Variants in RGS6 observed in about 807,000 individuals in gnomAD.
RGS6 encodes regulator of G protein signaling 6.
A neutral mutation model predicts 78.5 loss-of-function variants in RGS6; 30 were observed. The observed-to-expected ratio is 0.38, with a 90% CI of 0.29 to 0.52. RGS6 has a LOEUF of 0.52. Ranked by LOEUF, RGS6 falls within the 20% of genes least tolerant of loss-of-function variation. The pLI, the probability that RGS6 is intolerant of heterozygous loss-of-function variation, is 0.85. For synonymous variants in RGS6, 206 were observed against 206.0 expected (o/e 1.00, Z 0.00); for missense variants, 495 against 609.7 (o/e 0.81, Z 1.98).
At chr14:72,182,266 C>T (rs759797382) in intron 2 of RGS6, among the ~76,000 whole-genome samples, 1 of 151,874 alleles carries the variant, frequency 6.6e-6, no homozygotes, top group Non-Finnish European at 1.5e-5. Context: ...ACACATTAGC[C>T]GGGCCTGGTG....
At position 72,219,420 on chromosome 14, in the gene RGS6, A is replaced by T. The variant is rs184671216; in HGVS notation, c.85-132675A>T. On this transcript the variant is annotated intron_variant, in intron 2 of 17. Transcript: ENST00000553525. ...CTTCGTCTTCACTGTTTCATTTTTT[A>T]AAATATTTGTGAAATTTTAGGGGAA... Among the ~76,000 whole-genome samples, 55 of 152,290 alleles carry T rather than the reference A, an allele frequency of 3.6e-4. 1 individual carries two copies. In the East Asian group the frequency reaches 6.6e-3, roughly 18 times the overall value.
chr14:71,994,073 A>T (rs1285826733), intron 2 of RGS6, among the ~76,000 whole-genome samples: 7 of 151,988 alleles, frequency 4.6e-5, no homozygotes, highest in Admixed American at 2.0e-4. Flanking sequence ...ACTATAGTTT[A>T]GTCTTCTATC....
At position 72,122,499 on chromosome 14, in the gene RGS6, G is replaced by C. The variant is rs567676775; in HGVS notation, c.84+157624G>C. Among the ~76,000 whole-genome samples the C allele has an allele frequency of 3.3e-5, 5 of 152,258 alleles. No homozygotes were observed. In the South Asian group the frequency reaches 1.0e-3, roughly 32 times the overall value. ...AGATTCAAACCCAGGTTGTCTGAAG[G>C]CTCCAAAAGTCATCATTTATCACTG... On this transcript the variant is annotated intron_variant, in intron 2 of 17. Transcript: ENST00000553525.
At chr14:72,105,856 A>G (rs994489220) in intron 2 of RGS6, among the ~76,000 whole-genome samples, 2 of 152,184 alleles carry the variant, frequency 1.3e-5, no homozygotes, top group African/African-American at 2.4e-5. Context: ...TAAAAAGGAA[A>G]TGCAAGTTTG....
Position 71,971,315 on chromosome 14 carries a change from G to T in RGS6, c.84+6440G>T, listed in dbSNP as rs939847726. On this transcript the variant is annotated intron_variant, in intron 2 of 17. Transcript: ENST00000553525. ...TCTGGAAAGAGATGGGAGGGAAGGA[G>T]AATCGCAATGTCAGAGAATTTCTTC... 2.0e-5 allele frequency among the ~76,000 whole-genome samples: 3 copies of T among 152,150 alleles called. 1 individual carries two copies. Among genetic ancestry groups the T allele is most frequent in the South Asian group, 4.1e-4 (2 of 4,836 alleles).
intron 14 of RGS6, 34 bp from the exon 15 acceptor site, chr14:72,518,317 C>A: frequency 6.2e-7 from 1 of 1,603,342 alleles, no homozygotes; most frequent in Non-Finnish European, 8.5e-7. Flanking sequence ...TGCTGAGCCC[C>A]CTGGAACTGA....
At position 72,409,812 on chromosome 14, in the gene RGS6, C is replaced by A. The variant is rs139437963; in HGVS notation, c.185-44716C>A. On this transcript the variant is annotated intron_variant, in intron 3 of 17. Coordinates refer to ENST00000553525, the MANE Select transcript of RGS6 (RefSeq NM_001204424.2). ...CCCACCTGTGAGTGAGAACATGCAG[C>A]GTTTGGTTTTTTGTTCTTGCAATAG... is the stretch of plus-strand genomic sequence containing the variant. Among the ~76,000 whole-genome samples, 737 of 152,062 alleles carry A rather than the reference C, an allele frequency of 4.8e-3. 3 individuals are homozygous for A. Among genetic ancestry groups the A allele is most frequent in the African/African-American group, 0.017 (690 of 41,494 alleles).
chr14:72,124,175 G>T (rs1273823708), intron 2 of RGS6, among the ~76,000 whole-genome samples: 3 of 152,158 alleles, frequency 2.0e-5, no homozygotes, highest in South Asian at 2.1e-4. Flanking sequence ...CATTTAATCT[G>T]TTTGCTGATA....
intron 2 of RGS6, among the ~76,000 whole-genome samples, chr14:72,029,286 A>C (rs4386074): frequency 9.9e-5 from 15 of 152,210 alleles, no homozygotes. Context: ...CTTGTACAAC[A>C]GTGGCCTTGC....
At chr14:72,128,569 C>T (rs931670005) in intron 2 of RGS6, among the ~76,000 whole-genome samples, 3 of 151,722 alleles carry the variant, frequency 2.0e-5, no homozygotes, top group South Asian at 2.1e-4. Context: ...GCTGCCAAGA[C>T]GAATTGTTAG....
chr14:72,458,537 T>C (rs1168405541), intron 5 of RGS6, among the ~76,000 whole-genome samples, 160 bp downstream of exon 5: 1 of 152,204 alleles, frequency 6.6e-6, no homozygotes, highest in African/African-American at 2.4e-5. Flanking sequence ...GGCCACTGGG[T>C]GACCCACTTA....
intron 12 of RGS6, among the ~76,000 whole-genome samples, chr14:72,485,595 A>G (rs1166588124): frequency 6.6e-6 from 1 of 152,184 alleles, no homozygotes. Flanking sequence ...GCCTTGATGA[A>G]CTTGCCTTCA....
At position 72,458,312 on chromosome 14, in the gene RGS6, TA is replaced by T; in HGVS notation, c.278del (p.Tyr93SerfsTer12). 1 of 1,614,188 alleles carries T rather than the reference TA, an allele frequency of 6.2e-7. No homozygotes were observed. The highest frequency in any genetic ancestry group is 8.5e-7 in the Non-Finnish European group (1 of 1,179,996). On this transcript the variant is annotated frameshift_variant, in exon 5 of 18. Transcript: ENST00000553525. LOFTEE classifies it high-confidence loss of function. ...HLGSLIAAQG[Y>X]IFPISDHVLT... ...GGGGAGCCTTATCGCTGCCCAGGGC[TA>T]CATCTTTCCAATCTCAGACCATGTT...
chr14:72,619,369 T>A, the RGS6 span: 3 of 1,536,006 alleles, frequency 2.0e-6, no homozygotes, highest in African/African-American at 1.4e-5. Flanking sequence ...TCCAGCTTCC[T>A]GCAAGAAATG....
At chr14:72,048,586 A>G (rs984101545) in intron 2 of RGS6, among the ~76,000 whole-genome samples, 3 of 152,184 alleles carry the variant, frequency 2.0e-5, no homozygotes, top group African/African-American at 4.8e-5. Flanking sequence ...TTTCCAGTCA[A>G]TCATTGCTCT....
At chr14:72,121,677 T>C (rs981934367) in intron 2 of RGS6, among the ~76,000 whole-genome samples, 4 of 152,154 alleles carry the variant, frequency 2.6e-5, no homozygotes, top group Non-Finnish European at 5.9e-5. Context: ...TCCATAAGAA[T>C]ATCTTGCTCA....
chr14:72,120,453 A>G (rs2096018295), intron 2 of RGS6, among the ~76,000 whole-genome samples: 1 of 152,214 alleles, frequency 6.6e-6, no homozygotes, highest in Non-Finnish European at 1.5e-5. Flanking sequence ...AAATCATGGA[A>G]CAACCTGCCG....
At chr14:72,255,804 A>T (rs1044422575) in intron 2 of RGS6, among the ~76,000 whole-genome samples, 2 of 152,226 alleles carry the variant, frequency 1.3e-5, no homozygotes, top group African/African-American at 2.4e-5. Context: ...ATTTTTTATC[A>T]CTTCTTACTA....
intron 2 of RGS6, among the ~76,000 whole-genome samples, chr14:71,966,423 A>C (rs867008494): frequency 6.6e-6 from 1 of 152,220 alleles, no homozygotes; most frequent in Non-Finnish European, 1.5e-5. Context: ...AAATAGGTTA[A>C]TGGGACTCAG....
Sources: allele counts gnomAD v4.1 joint callset (sites outside exome capture counted in the v4.1 genomes callset), GRCh38; gene constraint gnomAD v4.1.1; transcripts MANE v1.5; gene names NCBI Gene and HGNC (gene_info 2026-07-23, HGNC 2026-07-21).